Variants in GUCY1A2 observed in about 807,000 individuals in gnomAD.
The protein encoded by GUCY1A2 is guanylate cyclase soluble subunit alpha-2.
In GUCY1A2, 27 loss-of-function variants were observed where a neutral mutation model predicts 63.5. The ratio of observed to expected loss-of-function variants is 0.43; its 90% CI spans 0.31 to 0.59. The LOEUF is 0.59. Among genes scored for constraint, GUCY1A2 ranks in the 20% least tolerant of loss-of-function variants. GUCY1A2 has a pLI of 0.11. For missense variants in GUCY1A2, 768 were observed against 913.3 expected (o/e 0.84, Z 2.05); for synonymous variants, 364 against 343.5 (o/e 1.06, Z -0.66).
At chr11:106,989,715 C>G (rs1861447234) in intron 1 of GUCY1A2, among the ~76,000 whole-genome samples, 1 of 152,018 alleles carries the variant, frequency 6.6e-6, no homozygotes, top group African/African-American at 2.4e-5. Flanking sequence ...TTCCAGTGAA[C>G]AGAGGAAAAT....
chr11:106,980,845 G>A (rs1376093576), intron 2 of GUCY1A2, among the ~76,000 whole-genome samples: 3 of 143,966 alleles, frequency 2.1e-5, no homozygotes, highest in Non-Finnish European at 4.5e-5. Flanking sequence ...TCAAGAGGTG[G>A]AACAGGGAGC....
intron 6 of GUCY1A2, among the ~76,000 whole-genome samples, chr11:106,759,715 C>G (rs1007988712): frequency 2.6e-5 from 4 of 152,186 alleles, no homozygotes; most frequent in African/African-American, 7.2e-5. Flanking sequence ...GGGCAGATCA[C>G]CTGAGGTAAG....
At chr11:106,956,979 T>C (rs1860994004) in intron 3 of GUCY1A2, among the ~76,000 whole-genome samples, 1 of 152,122 alleles carries the variant, frequency 6.6e-6, no homozygotes, top group African/African-American at 2.4e-5. Flanking sequence ...AGCCTCTAGC[T>C]GGAGTTATTG....
chr11:106,750,794 C>CTT (rs67195202), intron 6 of GUCY1A2, among the ~76,000 whole-genome samples: 11 of 148,606 alleles, frequency 7.4e-5, no homozygotes, highest in Non-Finnish European at 1.3e-4. Flanking sequence ...ATGCGATTTC[C>CTT]TTTTTTTTTT....
intron 4 of GUCY1A2, among the ~76,000 whole-genome samples, chr11:106,815,506 T>TATA (rs1341117703): frequency 1.3e-5 from 2 of 150,928 alleles, no homozygotes; most frequent in Non-Finnish European, 3.0e-5. Flanking sequence ...AAACTTAAAG[T>TATA]ATAATAATAA....
At chr11:106,769,935 G>C (rs1356780298) in intron 6 of GUCY1A2, among the ~76,000 whole-genome samples, 3 of 151,878 alleles carry the variant, frequency 2.0e-5, no homozygotes, top group African/African-American at 7.3e-5. Flanking sequence ...AAGAATCTTA[G>C]AAAATTAATT....
At chr11:106,843,100 A>C (rs1405670083) in intron 4 of GUCY1A2, among the ~76,000 whole-genome samples, 1 of 151,996 alleles carries the variant, frequency 6.6e-6, no homozygotes, top group African/African-American at 2.4e-5. Context: ...ATGTTCTTCC[A>C]CACATGTAAA....
At chr11:106,897,523 A>C (rs1257759148) in intron 4 of GUCY1A2, among the ~76,000 whole-genome samples, 1 of 151,666 alleles carries the variant, frequency 6.6e-6, no homozygotes, top group Non-Finnish European at 1.5e-5. Flanking sequence ...GAACAGAATA[A>C]AGACCCCAGA....
chr11:106,691,754 T>C (rs1277778945), intron 7 of GUCY1A2, among the ~76,000 whole-genome samples: 1 of 152,228 alleles, frequency 6.6e-6, no homozygotes, highest in African/African-American at 2.4e-5. Flanking sequence ...TATTTGCTTT[T>C]CCCAGTAAAC....
intron 1 of GUCY1A2, among the ~76,000 whole-genome samples, chr11:106,993,693 A>G (rs924092579): frequency 6.6e-6 from 1 of 152,198 alleles, no homozygotes; most frequent in Non-Finnish European, 1.5e-5. Flanking sequence ...CAATTTTCCC[A>G]TCCGAAAAAC....
At chr11:106,796,407 GT>G (rs1287978628) in intron 5 of GUCY1A2, among the ~76,000 whole-genome samples, 1 of 152,126 alleles carries the variant, frequency 6.6e-6, no homozygotes, top group African/African-American at 2.4e-5. Flanking sequence ...AGCATCGATG[GT>G]CTTTACAATT....
At chr11:106,753,854 A>G (rs1185027682) in intron 6 of GUCY1A2, among the ~76,000 whole-genome samples, 1 of 152,180 alleles carries the variant, frequency 6.6e-6, no homozygotes, top group Non-Finnish European at 1.5e-5. Context: ...TTTTGGTTCC[A>G]TATGAAATTT....
intron 6 of GUCY1A2, among the ~76,000 whole-genome samples, chr11:106,745,883 C>A (rs1316117975): frequency 6.6e-6 from 1 of 152,188 alleles, no homozygotes; most frequent in Non-Finnish European, 1.5e-5. Flanking sequence ...TCTGTGCTAT[C>A]TAATGTAACT....
intron 6 of GUCY1A2, among the ~76,000 whole-genome samples, chr11:106,740,354 T>G (rs1863672449): frequency 6.6e-6 from 1 of 152,064 alleles, no homozygotes. Context: ...TAGAAACAGA[T>G]GCTTTTAAGA....
At chr11:106,735,976 T>G (rs1246483528) in intron 6 of GUCY1A2, among the ~76,000 whole-genome samples, 1 of 151,774 alleles carries the variant, frequency 6.6e-6, no homozygotes, top group Non-Finnish European at 1.5e-5. Context: ...TTTAATCAAA[T>G]TATTAGTTTT....
rs138977158 is a variant in GUCY1A2 at position 106,841,683 on chromosome 11, T to C, written c.1207-31205A>G. ...AATACAGATTAACAACGTTCTCTTA[T>C]CTAAAACTTTCTACAGCAGAAGAAA... is the stretch of plus-strand genomic sequence containing the variant. On this transcript the variant is annotated intron_variant, in intron 4 of 7. Transcript: ENST00000526355. Among the ~76,000 whole-genome samples, 607 of 152,054 alleles carry C rather than the reference T, an allele frequency of 4.0e-3. 5 individuals carry two copies. The highest frequency in any genetic ancestry group is 0.014 in the African/African-American group (583 of 41,520).
At chr11:106,896,579 T>G (rs562535636) in intron 4 of GUCY1A2, among the ~76,000 whole-genome samples, 141 of 152,284 alleles carry the variant, frequency 9.3e-4, no homozygotes, top group African/African-American at 3.2e-3. Flanking sequence ...TTGGAAGTGA[T>G]TATCTCACAA....
intron 3 of GUCY1A2, among the ~76,000 whole-genome samples, chr11:106,960,698 A>T (rs1433135380): frequency 1.3e-5 from 2 of 152,298 alleles, no homozygotes; most frequent in East Asian, 3.9e-4. Context: ...TAAGTTCTTA[A>T]ATCATCACCA....
At chr11:106,744,867 T>C (rs867569102) in intron 6 of GUCY1A2, among the ~76,000 whole-genome samples, 1 of 152,208 alleles carries the variant, frequency 6.6e-6, no homozygotes, top group Non-Finnish European at 1.5e-5. Flanking sequence ...GATTGACTTC[T>C]CTTTGTCCTT....
Sources: gnomAD v4.1 joint callset for allele counts (sites outside exome capture counted in the v4.1 genomes callset) on GRCh38, gnomAD v4.1.1 for gene constraint, MANE v1.5 for transcripts, NCBI Gene and HGNC (gene_info 2026-07-23, HGNC 2026-07-21) for gene names.